RASAL1: variants seen among roughly 807,000 people sequenced by gnomAD.
RASAL1 encodes the protein RAS protein activator like 1, also known as rasGAP-activating-like protein 1.
A neutral mutation model predicts 96.6 loss-of-function variants in RASAL1; 72 were observed. The observed-to-expected ratio is 0.75, with a 90% CI of 0.62 to 0.91. The LOEUF (loss-of-function observed/expected upper bound fraction) is 0.91. Among genes scored for constraint, RASAL1 ranks in the 40% least tolerant of loss-of-function variants. The probability of loss-of-function intolerance (pLI) is 0.00; values close to 1 mark genes in which losing one functional copy is unlikely to be tolerated. For synonymous variants in RASAL1, 405 were observed against 430.4 expected, an observed-to-expected ratio of 0.94 and a Z score of 0.73; for missense variants, 1,016 against 1,072.5, an observed-to-expected ratio of 0.95 and a Z score of 0.74.
chr12:113,102,428 C>T (rs555441258), intron 18 of RASAL1, among the ~76,000 whole-genome samples: 23 of 152,286 alleles, frequency 1.5e-4, no homozygotes, highest in African/African-American at 5.1e-4. Context: ...CGTGGTGGCT[C>T]ATGCCTGTAA....
At chr12:113,111,956 C>T in intron 13 of RASAL1, 130 bp downstream of exon 13, 1 of 808,022 alleles carries the variant, frequency 1.2e-6, no homozygotes, top group Non-Finnish European at 1.7e-6. Flanking sequence ...ACGCTGTCCC[C>T]ACTTCTGCCA....
rs1429314814 is a variant in RASAL1 at position 113,102,908 on chromosome 12, G to C, written c.2105-899C>G. On this transcript the variant is annotated intron_variant, in intron 18 of 20. Coordinates refer to ENST00000548055, the MANE Select transcript of RASAL1 (RefSeq NM_001301202.2). Reference sequence around the variant, plus strand: ...ACCTTGTCCCAACCTCTAGGCCTTTGCTCATGACACCTGCAACACTTCCTT... The same window carrying C: ...ACCTTGTCCCAACCTCTAGGCCTTTCCTCATGACACCTGCAACACTTCCTT... The C allele has an allele frequency of 3.1e-5, 5 of 163,804 alleles. No individual in the cohort carries two copies. The East Asian group carries it at 7.4e-4, about 24-fold the overall frequency. The allele number at this position is 163,804 out of a possible 1,614,324, so 10.1% of individuals were successfully genotyped here.
intron 7 of RASAL1, among the ~76,000 whole-genome samples, chr12:113,118,477 G>A (rs1951169541): frequency 6.6e-6 from 1 of 152,146 alleles, no homozygotes; most frequent in African/African-American, 2.4e-5. Flanking sequence ...TAATGTCAGA[G>A]TTTTTGTGTG....
rs912390859 is a variant in RASAL1, at chr12:113,100,082, A to C, written c.2279-14T>G. On this transcript the variant is annotated splice_polypyrimidine_tract_variant and intron_variant, in intron 20 of 20. Coordinates refer to ENST00000548055, the MANE Select transcript of RASAL1 (RefSeq NM_001301202.2). Reference sequence around the variant, plus strand: ...CAGGACAGGCCCCTAGGAGGGAGACAAGAGGCCACAGGGGCTCAGCCAGTC... The same window carrying C: ...CAGGACAGGCCCCTAGGAGGGAGACCAGAGGCCACAGGGGCTCAGCCAGTC... 1 of 1,589,500 alleles carries C rather than the reference A, an allele frequency of 6.3e-7. No homozygotes were observed. Among genetic ancestry groups the C allele is most frequent in the Non-Finnish European group, 8.6e-7 (1 of 1,166,188 alleles).
rs922735973 is a variant in RASAL1, at chr12:113,129,438, G to A, written c.123-1260C>T. Among the ~76,000 whole-genome samples the A allele has an allele frequency of 6.6e-6, 1 of 152,130 alleles. No individual in the cohort carries two copies. Among genetic ancestry groups the A allele is most frequent in the Non-Finnish European group, 1.5e-5 (1 of 68,008 alleles). ...GCCAGGAGACAGGAGGTGAGCAGGG[G>A]ACAGAGCACTCGGGGCTTTGAAGCA... On this transcript the variant is annotated intron_variant, in intron 2 of 20. Coordinates refer to ENST00000548055, the MANE Select transcript of RASAL1 (RefSeq NM_001301202.2). This position sits in a 1 kb window ranked among gnomAD's most constrained non-coding sequence, Gnocchi z 5.0.
intron 20 of RASAL1, 83 bp from the exon 21 acceptor site, chr12:113,100,151 G>T: frequency 7.0e-7 from 1 of 1,424,244 alleles, no homozygotes; most frequent in Non-Finnish European, 9.4e-7. Context: ...TTCTCATGCT[G>T]AAGATGTGCC....
At position 113,104,026 on chromosome 12, in the gene RASAL1, T is replaced by A. The variant is rs779090932; in HGVS notation, c.2024A>T (p.Asn675Ile). The part of the protein sequence containing the change: ...LSALRKASAP[N>I]PNKLAACHPG... ...GTGGCAGGCGGCCAGCTTGTTCGGG[T>A]TGGGGGCGCTGGCCTTGCGCAAGGC... is the stretch of plus-strand genomic sequence containing the variant. The change falls in exon 18 of 21, where the codon AAC becomes ATC. Residue 675 changes from asparagine (N) to isoleucine (I), a missense_variant. By Grantham distance (149) the Asn-to-Ile change is moderately radical. Coordinates refer to ENST00000548055, the MANE Select transcript of RASAL1 (RefSeq NM_001301202.2). The A allele has an allele frequency of 1.3e-6, 2 of 1,572,622 alleles. No individual in the cohort carries two copies. The highest frequency in any genetic ancestry group is 2.3e-5 in the South Asian group (2 of 85,666).
chr12:113,100,229 G>A (rs1404471851), intron 20 of RASAL1, among the ~76,000 whole-genome samples, 161 bp from the exon 21 acceptor site: 4 of 152,180 alleles, frequency 2.6e-5, no homozygotes, highest in Non-Finnish European at 4.4e-5. Flanking sequence ...ATAATGGACT[G>A]GAAACAGGAG....
intron 4 of RASAL1, among the ~76,000 whole-genome samples, chr12:113,126,175 C>A (rs1468905326): frequency 6.6e-5 from 10 of 152,066 alleles, no homozygotes; most frequent in Non-Finnish European, 1.5e-4. Context: ...ATCCCAGTTA[C>A]TCAGGAGGCC....
chr12:113,118,440 T>G (rs1344251446), intron 7 of RASAL1, among the ~76,000 whole-genome samples: 1 of 152,214 alleles, frequency 6.6e-6, no homozygotes, highest in African/African-American at 2.4e-5. Flanking sequence ...CATTTTGGGC[T>G]GTTATGACTA....
chr12:113,102,158 G>T, intron 18 of RASAL1, 149 bp from the exon 19 acceptor site: 1 of 959,408 alleles, frequency 1.0e-6, no homozygotes, highest in Admixed American at 2.7e-5. Context: ...GCTCATGCCT[G>T]TAATCTCAGC....
At chr12:113,114,155 A>G (rs1010870264) in intron 12 of RASAL1, among the ~76,000 whole-genome samples, 3 of 152,200 alleles carry the variant, frequency 2.0e-5, no homozygotes, top group African/African-American at 4.8e-5. Context: ...CATTGGATCA[A>G]TATTTTAGGT....
intron 14 of RASAL1, chr12:113,107,523 T>G (rs1439519871): frequency 5.4e-6 from 3 of 552,842 alleles, no homozygotes; most frequent in Non-Finnish European, 1.0e-5. Context: ...CTCCAGAAGC[T>G]GAGGTGGGAA....
chr12:113,113,606 C>G (rs1005784977), intron 12 of RASAL1, among the ~76,000 whole-genome samples: 1 of 152,148 alleles, frequency 6.6e-6, no homozygotes, highest in Non-Finnish European at 1.5e-5. Flanking sequence ...GGCAAGTGAC[C>G]TTCCCTCTCT....
intron 16 of RASAL1, among the ~76,000 whole-genome samples, chr12:113,105,224 C>T (rs1950604453): frequency 6.6e-6 from 1 of 152,262 alleles, no homozygotes; most frequent in African/African-American, 2.4e-5. Flanking sequence ...AGGATTTTCA[C>T]CTGTCTTGTT....
intron 5 of RASAL1, among the ~76,000 whole-genome samples, chr12:113,119,813 C>G (rs978984467): frequency 2.0e-5 from 3 of 152,208 alleles, no homozygotes; most frequent in African/African-American, 7.2e-5. Flanking sequence ...GCTTTGCACT[C>G]ATTGGCTAGC....
At chr12:113,105,493 C>T (rs1014073438) in intron 16 of RASAL1, among the ~76,000 whole-genome samples, 9 of 152,246 alleles carry the variant, frequency 5.9e-5, no homozygotes, top group Non-Finnish European at 1.3e-4. Context: ...ACCGCATGTG[C>T]ACATTCTGAA....
At position 113,103,930 on chromosome 12, in the gene RASAL1, C is replaced by T. The variant is rs1344854436; in HGVS notation, c.2104+16G>A. On this transcript the variant is annotated intron_variant, in intron 18 of 20. Coordinates refer to ENST00000548055, the MANE Select transcript of RASAL1 (RefSeq NM_001301202.2). ...GGTGGGGAGGGCGGAGCCTGCAGTC[C>T]GCCCTGCCCCCTCACCTGAGCGCTC... is the stretch of plus-strand genomic sequence containing the variant. The T allele has an allele frequency of 1.3e-6, 2 of 1,547,702 alleles. No homozygotes were observed. Among genetic ancestry groups the T allele is most frequent in the Middle Eastern group, 1.7e-4 (1 of 5,972 alleles).
At chr12:113,127,990 C>G in intron 3 of RASAL1, 75 bp downstream of exon 3, 1 of 1,545,816 alleles carries the variant, frequency 6.5e-7, no homozygotes, top group South Asian at 1.1e-5. Flanking sequence ...GGGCTGTGGA[C>G]CCACATCCCC....
Sources: allele counts gnomAD v4.1 joint callset (sites outside exome capture counted in the v4.1 genomes callset), GRCh38; gene constraint gnomAD v4.1.1; non-coding constraint Gnocchi (gnomAD v3.1); transcripts MANE v1.5; gene names NCBI Gene and HGNC (gene_info 2026-07-23, HGNC 2026-07-21).